Variants in ANKRD52 observed in about 807,000 individuals in gnomAD.
The protein encoded by ANKRD52 is serine/threonine-protein phosphatase 6 regulatory ankyrin repeat subunit C.
A neutral mutation model predicts 116.0 loss-of-function variants in ANKRD52; 7 were observed. That is an observed-to-expected ratio of 0.06 (90% confidence interval 0.03 to 0.11). The LOEUF (loss-of-function observed/expected upper bound fraction) is 0.11. Among genes scored for constraint, ANKRD52 ranks in the 10% least tolerant of loss-of-function variants. The probability of loss-of-function intolerance (pLI) is 1.00; values close to 1 mark genes in which losing one functional copy is unlikely to be tolerated. For missense variants in ANKRD52, 839 were observed against 1,408.6 expected (o/e 0.60, Z 6.47); for synonymous variants, 528 against 578.1 (o/e 0.91, Z 1.24).
In ANKRD52 at chr12:56,244,719, G is replaced by A. The variant is rs754172327; in HGVS notation, c.2655C>T (p.Asn885=). ...RMLLQHQAEV[N]ATDHTGRTAL... is the part of the protein sequence containing the mutation. ...CAGTGCGGCCAGTGTGGTCAGTGGC[G>A]TTCACCTCAGCTTGATGCTGCAGCA... The change falls in exon 24 of 28, where the codon AAC becomes AAT. Residue 885 remains asparagine (N), a synonymous_variant. Coordinates refer to ENST00000267116, the MANE Select transcript of ANKRD52 (RefSeq NM_173595.4). This position sits in a 1 kb window ranked among gnomAD's most constrained non-coding sequence, Gnocchi z 4.9. The A allele has an allele frequency of 3.7e-6, 6 of 1,613,744 alleles. No homozygotes were observed. The South Asian group carries it at 6.6e-5, about 18-fold the overall frequency.
chr12:56,250,791 C>T (rs1277806198), intron 15 of ANKRD52, among the ~76,000 whole-genome samples: 2 of 151,068 alleles, frequency 1.3e-5, no homozygotes, highest in African/African-American at 2.4e-5. Flanking sequence ...AGGGAGTTCT[C>T]ACATAACCTA....
Position 56,244,595 on chromosome 12 carries a change from C to A in ANKRD52, c.2722+57G>T, listed in dbSNP as rs1871310091. 9 of 1,608,646 alleles carry A rather than the reference C, an allele frequency of 5.6e-6. No individual in the cohort carries two copies. In the Admixed American group the frequency reaches 1.5e-4, roughly 27 times the overall value. On this transcript the variant is annotated intron_variant, in intron 24 of 27. Coordinates refer to ENST00000267116, the MANE Select transcript of ANKRD52 (RefSeq NM_173595.4). This position sits in a 1 kb window ranked among gnomAD's most constrained non-coding sequence, Gnocchi z 4.9. ...AGCCAGCCTCCACAGGCAGGGCTGA[C>A]CCATCCTGCAAATGCCCCAGGGGAG...
At chr12:56,247,817 GAAGGGAGGC>G in intron 18 of ANKRD52, 43 bp from the exon 19 acceptor site, 1 of 1,582,636 alleles carries the variant, frequency 6.3e-7, no homozygotes. Flanking sequence ...CCAGGAGGAA[GAAGGGAGGC>G]AAGGTCAAGC....
chr12:56,248,351 T>G lies in ANKRD52; in HGVS notation c.1777-127A>C, dbSNP rs1213101151. On this transcript the variant is annotated intron_variant, in intron 17 of 27. Coordinates refer to ENST00000267116, the MANE Select transcript of ANKRD52 (RefSeq NM_173595.4). The surrounding 1 kb of genome is among the most constrained non-coding windows in gnomAD (Gnocchi z 5.1). ...TCCTTGACAAGCTCCTTGGGCCCCT[T>G]AAGGCTTCCTACCCTGCACTGTGCT... The G allele has an allele frequency of 2.1e-6, 3 of 1,409,178 alleles. No individual in the cohort carries two copies. Among genetic ancestry groups the G allele is most frequent in the Non-Finnish European group, 2.9e-6 (3 of 1,018,036 alleles). The allele number at this position is 1,409,178 out of a possible 1,614,324, so 87.3% of individuals were successfully genotyped here.
chr12:56,256,085 C>T (rs1049148776), intron 4 of ANKRD52, 101 bp from the exon 5 acceptor site: 3 of 1,170,596 alleles, frequency 2.6e-6, no homozygotes, highest in Middle Eastern at 4.4e-4. Context: ...AGCCCCTTCC[C>T]CAGCACAGAA....
In ANKRD52 at chr12:56,253,497, A is replaced by G; in HGVS notation, c.986-95T>C. 2 of 1,033,414 alleles carry G rather than the reference A, an allele frequency of 1.9e-6. No individual in the cohort carries two copies. Among genetic ancestry groups the G allele is most frequent in the Admixed American group, 1.8e-5 (1 of 54,066 alleles). 64.0% of individuals were successfully genotyped at this position (1,033,414 alleles called of 1,614,324 possible). ...TGATTTGAGTGCCTACTATGTATGCATCAGGTGCCAGGCCCAGGATTCTAC... is the reference window on the plus strand; with the variant it reads ...TGATTTGAGTGCCTACTATGTATGCGTCAGGTGCCAGGCCCAGGATTCTAC... On this transcript the variant is annotated intron_variant, in intron 9 of 27. Transcript: ENST00000267116. This position sits in a 1 kb window ranked among gnomAD's most constrained non-coding sequence, Gnocchi z 5.5.
In ANKRD52 at chr12:56,239,213, A is replaced by G. The variant is rs1328931092; in HGVS notation, c.*3929T>C. ...TCGCTTCTCTAGGGGTTGGGTTGGG[A>G]GGAGGGAGCCCCCAAGGCAGACCCT... On this transcript the variant is annotated 3_prime_UTR_variant, in exon 28 of 28. Transcript: ENST00000267116. The G allele has an allele frequency of 1.3e-5, 2 of 152,224 alleles. No individual in the cohort carries two copies. Among genetic ancestry groups the G allele is most frequent in the African/African-American group, 2.4e-5 (1 of 41,432 alleles). 9.4% of individuals were successfully genotyped at this position (152,224 alleles called of 1,614,324 possible). A position where few individuals can be genotyped will look rare whatever the true frequency, so the allele number is the denominator to read the frequency against.
At position 56,248,318 on chromosome 12, in the gene ANKRD52, G is replaced by T. The variant is rs1467036761; in HGVS notation, c.1777-94C>A. On this transcript the variant is annotated intron_variant, in intron 17 of 27. Coordinates refer to ENST00000267116, the MANE Select transcript of ANKRD52 (RefSeq NM_173595.4). This position sits in a 1 kb window ranked among gnomAD's most constrained non-coding sequence, Gnocchi z 5.1. ...CTCTTGGGGTCCCTGGGAAGCTCAAGGTCTTAGTCCTTGACAAGCTCCTTG... is the reference window on the plus strand; with the variant it reads ...CTCTTGGGGTCCCTGGGAAGCTCAATGTCTTAGTCCTTGACAAGCTCCTTG... 1.3e-6 allele frequency: 2 copies of T among 1,514,474 alleles called. No individual in the cohort carries two copies. Among genetic ancestry groups the T allele is most frequent in the Non-Finnish European group, 1.8e-6 (2 of 1,101,210 alleles). The allele number at this position is 1,514,474 out of a possible 1,614,324, so 93.8% of individuals were successfully genotyped here.
chr12:56,245,272 C>T, intron 21 of ANKRD52, 82 bp from the exon 22 acceptor site: 1 of 1,601,482 alleles, frequency 6.2e-7, no homozygotes, highest in East Asian at 2.2e-5. Flanking sequence ...CTCCATTCCA[C>T]TTCCAGATTC....
At position 56,242,924 on chromosome 12, in the gene ANKRD52, G is replaced by T. The variant is rs1871225868; in HGVS notation, c.*218C>A. ...CACTTGGCAGAAGGGGTCGCCCTGG[G>T]GGTACCAAGGGCCTGGGGTGCTCCC... On this transcript the variant is annotated 3_prime_UTR_variant, in exon 28 of 28. Coordinates refer to ENST00000267116, the MANE Select transcript of ANKRD52 (RefSeq NM_173595.4). The surrounding 1 kb of genome is among the most constrained non-coding windows in gnomAD (Gnocchi z 4.3). 1.7e-6 allele frequency: 1 copy of T among 604,656 alleles called. No homozygotes were observed. Among genetic ancestry groups the T allele is most frequent in the South Asian group, 2.8e-5 (1 of 35,818 alleles). 37.5% of individuals were successfully genotyped at this position (604,656 alleles called of 1,614,324 possible). A position where few individuals can be genotyped will look rare whatever the true frequency, so the allele number is the denominator to read the frequency against.
Position 56,242,423 on chromosome 12 carries a change from T to A in ANKRD52, c.*719A>T, listed in dbSNP as rs1871204751. On this transcript the variant is annotated 3_prime_UTR_variant, in exon 28 of 28. Coordinates refer to ENST00000267116, the MANE Select transcript of ANKRD52 (RefSeq NM_173595.4). This position sits in a 1 kb window ranked among gnomAD's most constrained non-coding sequence, Gnocchi z 4.3. ...GGGCCAGGCTAGGAGTGGGAGGGAA[T>A]GGGGAGGGGGCAGGCTGTGGGGGCA... The A allele has an allele frequency of 3.5e-6, 1 of 289,364 alleles. No individual in the cohort carries two copies. Among genetic ancestry groups the A allele is most frequent in the South Asian group, 1.7e-4 (1 of 5,970 alleles). 17.9% of individuals were successfully genotyped at this position (289,364 alleles called of 1,614,324 possible).
At position 56,247,704 on chromosome 12, in the gene ANKRD52, G is replaced by T; in HGVS notation, c.2049C>A (p.Val683=). The change falls in exon 19 of 28, where the codon GTC becomes GTA. Residue 683 remains valine, a synonymous_variant. Transcript: ENST00000267116. ...ACACTCACTGTCCATAGGCATCCAT[G>T]ACATCTGTGATGTCAGCTCGTTCCC... ...DSGERADITD[V]MDAYGQTPLM... is the part of the protein sequence containing the mutation. 1 of 1,612,012 alleles carries T rather than the reference G, an allele frequency of 6.2e-7. No homozygotes were observed. The highest frequency in any genetic ancestry group is 1.1e-5 in the South Asian group (1 of 90,498).
Position 56,254,382 on chromosome 12 carries a change from C to T in ANKRD52, c.694-103G>A. On this transcript the variant is annotated intron_variant, in intron 7 of 27. Transcript: ENST00000267116. The surrounding 1 kb of genome is among the most constrained non-coding windows in gnomAD (Gnocchi z 4.6). ...AGAAATCCAACGACTGCCTCATTTC[C>T]TCTCGGGTTTATGACCCAAGGTACT... 6.8e-7 allele frequency: 1 copy of T among 1,466,526 alleles called. No individual in the cohort carries two copies. The highest frequency in any genetic ancestry group is 9.3e-7 in the Non-Finnish European group (1 of 1,071,480). 90.8% of individuals were successfully genotyped at this position (1,466,526 alleles called of 1,614,324 possible). A position where few individuals can be genotyped will look rare whatever the true frequency, so the allele number is the denominator to read the frequency against.
At position 56,243,399 on chromosome 12, in the gene ANKRD52, G is replaced by A; in HGVS notation, c.2981-7C>T. ...GCCAGTGCTGGGGTGTGACCTGCAG[G>A]GCCAAGGGGGAGAACTGAGGCATAG... On this transcript the variant is annotated splice_region_variant and splice_polypyrimidine_tract_variant and intron_variant, in intron 27 of 27. Coordinates refer to ENST00000267116, the MANE Select transcript of ANKRD52 (RefSeq NM_173595.4). The surrounding 1 kb of genome is among the most constrained non-coding windows in gnomAD (Gnocchi z 4.6). The A allele has an allele frequency of 6.2e-7, 1 of 1,613,266 alleles. No homozygotes were observed. Among genetic ancestry groups the A allele is most frequent in the South Asian group, 1.1e-5 (1 of 90,898 alleles).
Position 56,255,697 on chromosome 12 carries a change from G to C in ANKRD52, c.462+87C>G. ...ACCATCCGGGCTGCTTCTCCTTCAG[G>C]CTTGAGGGCCCAGAAGCAGGGAAAC... On this transcript the variant is annotated intron_variant, in intron 5 of 27. Transcript: ENST00000267116. This position sits in a 1 kb window ranked among gnomAD's most constrained non-coding sequence, Gnocchi z 4.3. The C allele has an allele frequency of 7.5e-7, 1 of 1,327,674 alleles. No individual in the cohort carries two copies. The highest frequency in any genetic ancestry group is 1.0e-6 in the Non-Finnish European group (1 of 963,400). The allele number at this position is 1,327,674 out of a possible 1,614,324, so 82.2% of individuals were successfully genotyped here.
rs1870983483 is a variant in ANKRD52, at chr12:56,237,844, A to G, written c.*5298T>C. On this transcript the variant is annotated 3_prime_UTR_variant, in exon 28 of 28. Coordinates refer to ENST00000267116, the MANE Select transcript of ANKRD52 (RefSeq NM_173595.4). ...GATTTTAATAAACAGAACCCATCCC[A>G]AAGCCATGACTACGACAGTTGTACT... 4 of 1,279,468 alleles carry G rather than the reference A, an allele frequency of 3.1e-6. No homozygotes were observed. The East Asian group carries it at 7.9e-5, about 25-fold the overall frequency. The allele number at this position is 1,279,468 out of a possible 1,614,324, so 79.3% of individuals were successfully genotyped here.
chr12:56,254,540 T>C lies in ANKRD52; in HGVS notation c.693+38A>G. 1 of 1,604,056 alleles carries C rather than the reference T, an allele frequency of 6.2e-7. No individual in the cohort carries two copies. The highest frequency in any genetic ancestry group is 8.5e-7 in the Non-Finnish European group (1 of 1,174,728). Reference sequence around the variant, plus strand: ...TAACAGACTATAATCTCCTACTTGCTGCCCATAGTTCCCAACCCCAGAGCT... The same window carrying C: ...TAACAGACTATAATCTCCTACTTGCCGCCCATAGTTCCCAACCCCAGAGCT... On this transcript the variant is annotated intron_variant, in intron 7 of 27. Transcript: ENST00000267116. This position sits in a 1 kb window ranked among gnomAD's most constrained non-coding sequence, Gnocchi z 4.6.
chr12:56,256,199 G>A (rs1212635747), intron 4 of ANKRD52, among the ~76,000 whole-genome samples: 1 of 152,078 alleles, frequency 6.6e-6, no homozygotes, highest in Non-Finnish European at 1.5e-5. Flanking sequence ...ATTAAAACAA[G>A]GACCCTTTGC....
In ANKRD52 at chr12:56,251,999, C is replaced by T. The variant is rs781190971; in HGVS notation, c.1592+16G>A. The T allele has an allele frequency of 1.4e-5, 22 of 1,611,820 alleles. No homozygotes were observed. Among genetic ancestry groups the T allele is most frequent in the Non-Finnish European group, 1.9e-5 (22 of 1,179,334 alleles). Reference sequence around the variant, plus strand: ...GTTGGGGAAAGCACATCCCAGGGGCCCTCTCTGCTACTCACAAGAAGGCCT... The same window carrying T: ...GTTGGGGAAAGCACATCCCAGGGGCTCTCTCTGCTACTCACAAGAAGGCCT... On this transcript the variant is annotated intron_variant, in intron 15 of 27. Transcript: ENST00000267116.
Sources: allele counts gnomAD v4.1 joint callset (sites outside exome capture counted in the v4.1 genomes callset), GRCh38; gene constraint gnomAD v4.1.1; non-coding constraint Gnocchi (gnomAD v3.1); transcripts MANE v1.5; gene names NCBI Gene and HGNC (gene_info 2026-07-23, HGNC 2026-07-21).